MUSK: variants seen among roughly 807,000 people sequenced by gnomAD.
The protein encoded by MUSK is muscle, skeletal receptor tyrosine-protein kinase.
A neutral mutation model predicts 88.7 loss-of-function variants in MUSK; 55 were observed. That is an observed-to-expected ratio of 0.62 (90% confidence interval 0.50 to 0.78). The LOEUF (loss-of-function observed/expected upper bound fraction) is 0.78, where lower values mean the gene tolerates loss of function less well. MUSK is among the 30% of genes least tolerant of loss of function. The pLI, the probability that MUSK is intolerant of heterozygous loss-of-function variation, is 0.00. For synonymous variants in MUSK, 387 were observed against 391.9 expected, an observed-to-expected ratio of 0.99 and a Z score of 0.15; for missense variants, 1,015 against 1,074.3, an observed-to-expected ratio of 0.94 and a Z score of 0.77.
At position 110,747,667 on chromosome 9, in the gene MUSK, T is replaced by A. The variant is rs886063353; in HGVS notation, c.780T>A (p.Ser260Arg). 6.2e-7 allele frequency: 1 copy of A among 1,613,514 alleles called. No homozygotes were observed. Among genetic ancestry groups the A allele is most frequent in the Non-Finnish European group, 8.5e-7 (1 of 1,179,662 alleles). Residue 260 changes from serine to arginine, a missense_variant, in exon 7 of 15, where the codon AGT (serine) becomes AGA (arginine). Physicochemically the swap from Ser to Arg is moderately radical, Grantham distance 110 (BLOSUM62 -1). Coordinates refer to ENST00000374448, the MANE Select transcript of MUSK (RefSeq NM_005592.4). ...TTTCTTCTGGGTCCATTCAAGAGAG[T>A]GTGAAAGACCGAGTGATTGACTCAA... ...NAVSSGSIQE[S>R]VKDRVIDSRL...
intron 3 of MUSK, among the ~76,000 whole-genome samples, chr9:110,693,067 C>T (rs1163424124): frequency 6.6e-6 from 1 of 152,116 alleles, no homozygotes; most frequent in Admixed American, 6.6e-5. Flanking sequence ...GGCTTCCCTT[C>T]AGTATGCAGA....
chr9:110,743,650 T>A (rs1034336557), intron 6 of MUSK, among the ~76,000 whole-genome samples: 1 of 152,218 alleles, frequency 6.6e-6, no homozygotes, highest in African/African-American at 2.4e-5. Context: ...TTGAAGGTTG[T>A]CTTTTAGAAT....
chr9:110,801,191 C>A lies in MUSK; in HGVS notation c.*203C>A. ...CCCATTGAAAGCCAGTGATTGGAAA[C>A]ACAGGCTAGGAAATGTGTCAGATAA... On this transcript the variant is annotated 3_prime_UTR_variant, in exon 15 of 15. Transcript: ENST00000374448. 1 of 456,796 alleles carries A rather than the reference C, an allele frequency of 2.2e-6. No individual in the cohort carries two copies. The highest frequency in any genetic ancestry group is 3.8e-6 in the Non-Finnish European group (1 of 263,240). 28.3% of individuals were successfully genotyped at this position (456,796 alleles called of 1,614,324 possible).
Position 110,763,089 on chromosome 9 carries a change from A to C in MUSK, c.920+881A>C, listed in dbSNP as rs60873969. On this transcript the variant is annotated intron_variant, in intron 8 of 14. Transcript: ENST00000374448. ...CATCATGTGGTACACAATAAAAAAA[A>C]CAGTTTTTTTTAACTAAAAACACCT... 1.9e-3 allele frequency among the ~76,000 whole-genome samples: 287 copies of C among 152,236 alleles called. 3 individuals are homozygous for C. The highest frequency in any genetic ancestry group is 6.8e-3 in the African/African-American group (283 of 41,534).
At chr9:110,783,067 T>C (rs147585840) in intron 11 of MUSK, among the ~76,000 whole-genome samples, 1 of 152,308 alleles carries the variant, frequency 6.6e-6, no homozygotes, top group Non-Finnish European at 1.5e-5. Context: ...GCAAGTGCCC[T>C]ATTTCAAATG....
intron 8 of MUSK, among the ~76,000 whole-genome samples, chr9:110,764,599 TAGATTAGA>T (rs1389184549): frequency 1.8e-4 from 25 of 141,526 alleles, no homozygotes; most frequent in African/African-American, 5.9e-4. Flanking sequence ...GATAGATAGA[TAGATTAGA>T]TAGATAGATA....
chr9:110,733,667 TTTGA>T (rs2076992609), intron 5 of MUSK, among the ~76,000 whole-genome samples: 1 of 152,068 alleles, frequency 6.6e-6, no homozygotes. Context: ...AGTGTAATTA[TTTGA>T]TTAATTCAAT....
At chr9:110,689,908 TA>T (rs1274848123) in intron 3 of MUSK, among the ~76,000 whole-genome samples, 2 of 88,590 alleles carry the variant, frequency 2.3e-5, no homozygotes, top group African/African-American at 9.5e-5. Context: ...TAAATATACA[TA>T]AAAATACATA....
intron 8 of MUSK, among the ~76,000 whole-genome samples, chr9:110,762,990 T>G (rs987901140): frequency 6.6e-6 from 1 of 151,890 alleles, no homozygotes; most frequent in South Asian, 2.1e-4. Context: ...CATCAGAAAA[T>G]GGTAAGTATG....
chr9:110,788,039 T>C (rs1378029303), intron 14 of MUSK: 1 of 587,874 alleles, frequency 1.7e-6, no homozygotes, highest in Non-Finnish European at 3.0e-6. Flanking sequence ...TTTAAATTCA[T>C]CACTTCAATT....
At chr9:110,736,533 G>T (rs747348205) in intron 6 of MUSK, among the ~76,000 whole-genome samples, 32 of 152,032 alleles carry the variant, frequency 2.1e-4, no homozygotes, top group Non-Finnish European at 4.0e-4. Flanking sequence ...TAAGCAAAGG[G>T]TCAAGAGATG....
At chr9:110,763,779 C>T (rs912045058) in intron 8 of MUSK, among the ~76,000 whole-genome samples, 2 of 152,108 alleles carry the variant, frequency 1.3e-5, no homozygotes, top group Non-Finnish European at 2.9e-5. Flanking sequence ...CATGGCTGGT[C>T]ATCTGGAATG....
intron 3 of MUSK, among the ~76,000 whole-genome samples, chr9:110,691,037 G>T (rs1233789770): frequency 6.6e-6 from 1 of 151,198 alleles, no homozygotes; most frequent in Non-Finnish European, 1.5e-5. Flanking sequence ...GCTAATTTTT[G>T]TATTTTTGGT....
intron 5 of MUSK, among the ~76,000 whole-genome samples, chr9:110,721,947 A>C (rs1463993785): frequency 1.3e-5 from 2 of 152,190 alleles, no homozygotes; most frequent in African/African-American, 4.8e-5. Context: ...AAATACTTAC[A>C]GTTAACCGAT....
At chr9:110,756,339 T>A (rs544611718) in intron 7 of MUSK, among the ~76,000 whole-genome samples, 1 of 151,868 alleles carries the variant, frequency 6.6e-6, no homozygotes, top group African/African-American at 2.4e-5. Context: ...TCAATCCCTA[T>A]TGAGGTAACC....
intron 1 of MUSK, among the ~76,000 whole-genome samples, chr9:110,681,484 A>T (rs899643719): frequency 3.3e-5 from 5 of 151,940 alleles, no homozygotes; most frequent in African/African-American, 1.2e-4. Flanking sequence ...ACGTAAACAG[A>T]TCATTTTAAT....
At chr9:110,707,924 C>T (rs944027385) in intron 5 of MUSK, among the ~76,000 whole-genome samples, 1 of 152,148 alleles carries the variant, frequency 6.6e-6, no homozygotes, top group Non-Finnish European at 1.5e-5. Context: ...CATCACTTGT[C>T]AGGACACCTG....
chr9:110,697,709 C>T (rs1410076455), intron 5 of MUSK, among the ~76,000 whole-genome samples: 1 of 151,802 alleles, frequency 6.6e-6, no homozygotes, highest in Non-Finnish European at 1.5e-5. Flanking sequence ...TAATTTTTAC[C>T]AAAACAGACT....
intron 7 of MUSK, among the ~76,000 whole-genome samples, chr9:110,759,152 G>C (rs956861574): frequency 1.3e-5 from 2 of 152,148 alleles, no homozygotes; most frequent in Non-Finnish European, 2.9e-5. Context: ...CACTGGAAGA[G>C]AATAGAGAGC....
Sources: gnomAD v4.1 joint callset for allele counts (sites outside exome capture counted in the v4.1 genomes callset) on GRCh38, gnomAD v4.1.1 for gene constraint, MANE v1.5 for transcripts, NCBI Gene and HGNC (gene_info 2026-07-23, HGNC 2026-07-21) for gene names.